The following CNTN5 variants were observed in gnomAD, a reference collection of about 807,000 sequenced individuals.
CNTN5 encodes the protein contactin-5.
In CNTN5, 77 loss-of-function variants were observed where a neutral mutation model predicts 129.1. That is an observed-to-expected ratio of 0.60 (90% CI 0.50 to 0.72). The LOEUF is 0.72. Among genes scored for constraint, CNTN5 ranks in the 30% least tolerant of loss-of-function variants. The probability of loss-of-function intolerance (pLI) is 0.00; values close to 1 mark genes in which losing one functional copy is unlikely to be tolerated. For synonymous variants in CNTN5, 509 were observed against 465.6 expected, an observed-to-expected ratio of 1.09 and a Z score of -1.20; for missense variants, 1,478 against 1,328.8, an observed-to-expected ratio of 1.11 and a Z score of -1.75.
intron 9 of CNTN5, among the ~76,000 whole-genome samples, chr11:100,020,303 T>C (rs760666738): frequency 6.6e-6 from 1 of 152,106 alleles, no homozygotes; most frequent in African/African-American, 2.4e-5. Context: ...AAAGGTGATA[T>C]TTGTATATGG....
At chr11:99,945,962 A>AGT (rs1950545406) in intron 7 of CNTN5, among the ~76,000 whole-genome samples, 1 of 150,538 alleles carries the variant, frequency 6.6e-6, no homozygotes, top group African/African-American at 2.5e-5. Flanking sequence ...ACAAGCATGA[A>AGT]AAAAAAAATC....
At chr11:100,221,891 G>A (rs1949273440) in intron 15 of CNTN5, among the ~76,000 whole-genome samples, 1 of 152,108 alleles carries the variant, frequency 6.6e-6, no homozygotes, top group South Asian at 2.1e-4. Context: ...TGAAAATGAG[G>A]TTTAAGTTTA....
At chr11:99,402,869 G>A (rs1458132313) in intron 2 of CNTN5, among the ~76,000 whole-genome samples, 1 of 152,088 alleles carries the variant, frequency 6.6e-6, no homozygotes. Context: ...GTTACTCATA[G>A]TAGCCACTAA....
chr11:100,265,550 GA>G (rs953271595), intron 17 of CNTN5, among the ~76,000 whole-genome samples: 22 of 151,704 alleles, frequency 1.5e-4, no homozygotes, highest in Non-Finnish European at 2.8e-4. Flanking sequence ...ATATCCATTA[GA>G]AAAAAAATGA....
chr11:99,364,923 T>G (rs1200163072), intron 2 of CNTN5, among the ~76,000 whole-genome samples: 1 of 152,070 alleles, frequency 6.6e-6, no homozygotes, highest in Non-Finnish European at 1.5e-5. Flanking sequence ...ACGTCTTAAA[T>G]AGATCACTCT....
At chr11:100,305,968 C>G (rs60281342) in intron 20 of CNTN5, among the ~76,000 whole-genome samples, 1,927 of 144,330 alleles carry the variant, frequency 0.013, 53 homozygotes, top group African/African-American at 0.047. Context: ...AAAAAAATTA[C>G]AAAAAAAATC....
chr11:99,615,409 G>T (rs1012436303), intron 3 of CNTN5, among the ~76,000 whole-genome samples: 1 of 151,980 alleles, frequency 6.6e-6, no homozygotes, highest in African/African-American at 2.4e-5. Context: ...TTTTTAAGAA[G>T]AATTTTTATT....
At chr11:100,183,609 C>T (rs1948204649) in intron 13 of CNTN5, among the ~76,000 whole-genome samples, 1 of 151,996 alleles carries the variant, frequency 6.6e-6, no homozygotes, top group Non-Finnish European at 1.5e-5. Context: ...TTGCCTAGGA[C>T]AACGATGGGG....
intron 2 of CNTN5, among the ~76,000 whole-genome samples, chr11:99,551,755 A>G (rs1425899172): frequency 6.6e-6 from 1 of 152,150 alleles, no homozygotes; most frequent in Non-Finnish European, 1.5e-5. Context: ...GGCAATTATA[A>G]CACAATAAGT....
chr11:99,769,618 C>A (rs1488884716), intron 3 of CNTN5, among the ~76,000 whole-genome samples: 3 of 151,928 alleles, frequency 2.0e-5, no homozygotes, highest in Non-Finnish European at 4.4e-5. Context: ...GGGCGAATAG[C>A]TTGAGCTGAA....
intron 1 of CNTN5, among the ~76,000 whole-genome samples, chr11:99,131,294 C>T (rs1204163532): frequency 1.5e-5 from 2 of 136,158 alleles, no homozygotes; most frequent in Admixed American, 7.4e-5. Context: ...ATGACCACAT[C>T]AAAAAGCCTG....
chr11:99,097,486 C>G (rs542335093), intron 1 of CNTN5, among the ~76,000 whole-genome samples: 1 of 151,944 alleles, frequency 6.6e-6, no homozygotes, highest in African/African-American at 2.4e-5. Context: ...GTGATATTTA[C>G]ATAATTTTGA....
At chr11:99,827,847 C>T (rs945645622) in intron 4 of CNTN5, among the ~76,000 whole-genome samples, 2 of 152,046 alleles carry the variant, frequency 1.3e-5, no homozygotes, top group Non-Finnish European at 2.9e-5. Flanking sequence ...GCAGCTCTCT[C>T]GACTATTTTT....
intron 16 of CNTN5, among the ~76,000 whole-genome samples, chr11:100,232,884 T>C (rs1167374977): frequency 2.0e-5 from 3 of 152,226 alleles, no homozygotes; most frequent in African/African-American, 7.2e-5. Context: ...TCTTCCTATA[T>C]GTCGGGCACT....
At chr11:99,700,847 G>T (rs147615758) in intron 3 of CNTN5, among the ~76,000 whole-genome samples, 4 of 151,126 alleles carry the variant, frequency 2.6e-5, no homozygotes, top group Non-Finnish European at 5.9e-5. Flanking sequence ...GGAGGATAAG[G>T]CTTCAATAAG....
At chr11:99,896,030 C>G (rs1211693345) in intron 6 of CNTN5, among the ~76,000 whole-genome samples, 1 of 152,188 alleles carries the variant, frequency 6.6e-6, no homozygotes, top group Non-Finnish European at 1.5e-5. Context: ...ACACTGCAGT[C>G]ATGGCTCTGT....
intron 1 of CNTN5, among the ~76,000 whole-genome samples, chr11:99,310,475 T>C (rs929573695): frequency 7.9e-5 from 12 of 152,300 alleles, no homozygotes; most frequent in African/African-American, 2.9e-4. Flanking sequence ...AATTATTACG[T>C]TGGTAAAATG....
chr11:99,306,793 A>C (rs1210144600), intron 1 of CNTN5, among the ~76,000 whole-genome samples: 1 of 150,456 alleles, frequency 6.6e-6, no homozygotes, highest in Non-Finnish European at 1.5e-5. Context: ...ATTTATTGTG[A>C]TAATATACAC....
chr11:99,239,916 G>A (rs1048050019), intron 1 of CNTN5, among the ~76,000 whole-genome samples: 5 of 139,192 alleles, frequency 3.6e-5, no homozygotes, highest in African/African-American at 8.2e-5. Context: ...CAGCCTGGGC[G>A]ACAGAGCGAG....
Sources: allele counts gnomAD v4.1 joint callset (sites outside exome capture counted in the v4.1 genomes callset), GRCh38; gene constraint gnomAD v4.1.1; transcripts MANE v1.5; gene names NCBI Gene and HGNC (gene_info 2026-07-23, HGNC 2026-07-21).